Variants in LDLRAD3 observed in about 807,000 individuals in gnomAD.
LDLRAD3 encodes low-density lipoprotein receptor class A domain-containing protein 3.
LDLRAD3 carries 20 observed loss-of-function variants against 29.4 expected under a neutral mutation model. The observed-to-expected ratio is 0.68, with a 90% confidence interval of 0.48 to 0.99. LDLRAD3 has a LOEUF of 0.99. Among genes scored for constraint, LDLRAD3 ranks in the 50% least tolerant of loss-of-function variants. The pLI is 0.00. For missense variants in LDLRAD3, 420 were observed against 454.3 expected (o/e 0.92, Z 0.69); for synonymous variants, 157 against 192.7 (o/e 0.81, Z 1.53).
At chr11:36,008,607 C>G (rs979153521) in intron 1 of LDLRAD3, among the ~76,000 whole-genome samples, 2 of 152,174 alleles carry the variant, frequency 1.3e-5, no homozygotes, top group Admixed American at 6.5e-5. Flanking sequence ...TATTTTTTAT[C>G]TGTCTCTGTA....
intron 2 of LDLRAD3, among the ~76,000 whole-genome samples, chr11:36,068,578 G>A (rs112763629): frequency 7.9e-5 from 12 of 152,206 alleles, no homozygotes; most frequent in African/African-American, 1.9e-4. Flanking sequence ...GTGCAGTGGC[G>A]CAATCTCAGC....
chr11:35,993,191 G>A (rs1284285160), intron 1 of LDLRAD3, among the ~76,000 whole-genome samples: 5 of 152,152 alleles, frequency 3.3e-5, no homozygotes, highest in Admixed American at 3.3e-4. Context: ...CTAAGAGGTT[G>A]GGTAGTGTTT....
intron 3 of LDLRAD3, among the ~76,000 whole-genome samples, chr11:36,095,484 C>T (rs964455041): frequency 1.1e-4 from 17 of 152,058 alleles, no homozygotes; most frequent in Admixed American, 3.3e-4. Context: ...ATCCTTGGCC[C>T]TTTTTTTCTA....
chr11:36,142,254 G>A (rs1440813907), intron 4 of LDLRAD3, among the ~76,000 whole-genome samples: 1 of 152,116 alleles, frequency 6.6e-6, no homozygotes, highest in Non-Finnish European at 1.5e-5. Flanking sequence ...CTGATGAAAG[G>A]GTAGACTGCA....
At chr11:36,066,816 C>G (rs527424733) in intron 2 of LDLRAD3, among the ~76,000 whole-genome samples, 1 of 152,288 alleles carries the variant, frequency 6.6e-6, no homozygotes, top group South Asian at 2.1e-4. Flanking sequence ...ATTTCCTTGA[C>G]TTTCAATAGC....
Position 36,016,843 on chromosome 11 carries a change from G to A in LDLRAD3, c.47-19260G>A, listed in dbSNP as rs553823622. ...CTGACTCTATTGTGGCTATTCTTCC[G>A]TGTCAGTACGTTCTAACTCCTGAAT... On this transcript the variant is annotated intron_variant, in intron 1 of 5. Transcript: ENST00000315571. 3.2e-4 allele frequency among the ~76,000 whole-genome samples: 48 copies of A among 152,262 alleles called. 1 individual carries two copies. The highest frequency in any genetic ancestry group is 1.9e-4 in the East Asian group (1 of 5,190).
chr11:36,104,876 G>C (rs1853504213), intron 4 of LDLRAD3, among the ~76,000 whole-genome samples: 1 of 152,178 alleles, frequency 6.6e-6, no homozygotes, highest in Non-Finnish European at 1.5e-5. Context: ...CAGGCGGTCA[G>C]TCCTACTCTT....
At chr11:35,947,022 G>T (rs1851065922) in intron 1 of LDLRAD3, among the ~76,000 whole-genome samples, 1 of 152,128 alleles carries the variant, frequency 6.6e-6, no homozygotes, top group Admixed American at 6.5e-5. Context: ...TTTACTCTGG[G>T]ATAAGTGGGG....
chr11:36,054,978 GA>G (rs1852593886), intron 2 of LDLRAD3, among the ~76,000 whole-genome samples: 1 of 123,544 alleles, frequency 8.1e-6, no homozygotes, highest in Admixed American at 9.4e-5. Context: ...TGCATGGATG[GA>G]TGGATGGATG....
At chr11:36,192,476 G>A (rs988911567) in intron 4 of LDLRAD3, among the ~76,000 whole-genome samples, 2 of 152,142 alleles carry the variant, frequency 1.3e-5, no homozygotes, top group East Asian at 1.9e-4. Context: ...GAGCATTTTG[G>A]TCTACCACAA....
chr11:36,013,569 G>C (rs972985179), intron 1 of LDLRAD3, among the ~76,000 whole-genome samples: 1 of 147,770 alleles, frequency 6.8e-6, no homozygotes, highest in Non-Finnish European at 1.5e-5. Flanking sequence ...TTGGTTTTCT[G>C]TTCCTGTGTT....
intron 4 of LDLRAD3, among the ~76,000 whole-genome samples, chr11:36,132,805 G>A (rs1008679003): frequency 6.6e-6 from 1 of 152,224 alleles, no homozygotes; most frequent in African/African-American, 2.4e-5. Context: ...GCACTCATAA[G>A]TAACGTACTC....
At chr11:36,128,141 T>TATATA (rs1250416156) in intron 4 of LDLRAD3, among the ~76,000 whole-genome samples, 22 of 129,554 alleles carry the variant, frequency 1.7e-4, no homozygotes, top group East Asian at 5.3e-4. Flanking sequence ...TATATGTATA[T>TATATA]GACATGTAGG....
chr11:35,991,795 C>T (rs1034365972), intron 1 of LDLRAD3, among the ~76,000 whole-genome samples: 5 of 151,918 alleles, frequency 3.3e-5, no homozygotes, highest in Admixed American at 6.6e-5. Context: ...TCTCTTCTTA[C>T]ATCAGCTTTT....
intron 4 of LDLRAD3, among the ~76,000 whole-genome samples, chr11:36,182,253 G>A (rs1854775778): frequency 1.3e-5 from 2 of 152,154 alleles, no homozygotes; most frequent in African/African-American, 4.8e-5. Context: ...TGTGTCCAGG[G>A]TGTGAGGTTG....
intron 4 of LDLRAD3, 99 bp from the exon 5 acceptor site, chr11:36,226,986 G>A: frequency 1.0e-6 from 1 of 970,944 alleles, no homozygotes; most frequent in Non-Finnish European, 1.6e-6. Context: ...TAGGGCTACT[G>A]TGAACATTCG....
chr11:35,954,185 A>C (rs1470479016), intron 1 of LDLRAD3, among the ~76,000 whole-genome samples: 1 of 152,334 alleles, frequency 6.6e-6, no homozygotes. Flanking sequence ...AGGTGTCAAA[A>C]ATATAATAGG....
chr11:36,096,815 C>A (rs578223732), intron 3 of LDLRAD3, among the ~76,000 whole-genome samples: 1 of 152,240 alleles, frequency 6.6e-6, no homozygotes, highest in Non-Finnish European at 1.5e-5. Flanking sequence ...TCAGTAGGCA[C>A]TGGACCTCAC....
intron 1 of LDLRAD3, among the ~76,000 whole-genome samples, chr11:35,987,342 A>G (rs1590707275): frequency 6.6e-6 from 1 of 152,176 alleles, no homozygotes; most frequent in African/African-American, 2.4e-5. Context: ...TTGGGGCATG[A>G]TTGATCCCAT....
Sources: gnomAD v4.1 joint callset for allele counts (sites outside exome capture counted in the v4.1 genomes callset) on GRCh38, gnomAD v4.1.1 for gene constraint, MANE v1.5 for transcripts, NCBI Gene and HGNC (gene_info 2026-07-23, HGNC 2026-07-21) for gene names.